The following NTRK2 variants were observed in gnomAD, a reference collection of about 807,000 sequenced individuals.
NTRK2 encodes the protein BDNF/NT-3 growth factors receptor.
In NTRK2, 13 loss-of-function variants were observed where a neutral mutation model predicts 94.5. The observed-to-expected ratio is 0.14, with a 90% CI of 0.09 to 0.22. The LOEUF (loss-of-function observed/expected upper bound fraction) is 0.22. Ranked by LOEUF, NTRK2 falls within the 10% of genes least tolerant of loss-of-function variation. The pLI, the probability that NTRK2 is intolerant of heterozygous loss-of-function variation, is 1.00. For missense variants in NTRK2, 639 were observed against 1,071.2 expected, an observed-to-expected ratio of 0.60 and a Z score of 5.63; for synonymous variants, 372 against 407.4, an observed-to-expected ratio of 0.91 and a Z score of 1.05.
At chr9:84,979,787 C>A (rs925088018) in intron 17 of NTRK2, among the ~76,000 whole-genome samples, 3 of 152,262 alleles carry the variant, frequency 2.0e-5, no homozygotes, top group Admixed American at 2.0e-4. Context: ...CACAGCCACC[C>A]CAACCTTTAA....
At chr9:84,697,530 G>C (rs961945508) in intron 2 of NTRK2, among the ~76,000 whole-genome samples, 1 of 152,200 alleles carries the variant, frequency 6.6e-6, no homozygotes, top group African/African-American at 2.4e-5. Flanking sequence ...ACTTTAACAG[G>C]GGCAGTGGGG....
At chr9:84,944,969 G>A (rs2078547010) in intron 15 of NTRK2, among the ~76,000 whole-genome samples, 1 of 152,226 alleles carries the variant, frequency 6.6e-6, no homozygotes, top group South Asian at 2.1e-4. Flanking sequence ...GGGTCAGAGA[G>A]CTCGAGGGCA....
At chr9:84,845,270 C>CACACACAA (rs2074411140) in intron 12 of NTRK2, among the ~76,000 whole-genome samples, 1 of 151,982 alleles carries the variant, frequency 6.6e-6, no homozygotes, top group Non-Finnish European at 1.5e-5. Context: ...CACACACACA[C>CACACACAA]ACACACACAC....
At chr9:84,698,319 T>G (rs2060513813) in intron 2 of NTRK2, among the ~76,000 whole-genome samples, 1 of 152,128 alleles carries the variant, frequency 6.6e-6, no homozygotes, top group African/African-American at 2.4e-5. Context: ...ACAATTTTGC[T>G]TATCTTCTTT....
intron 14 of NTRK2, among the ~76,000 whole-genome samples, chr9:84,908,933 C>A (rs1460703440): frequency 6.6e-6 from 1 of 152,138 alleles, no homozygotes. Flanking sequence ...CCCATGTGCC[C>A]TTTACCCAGT....
chr9:84,708,013 ACC>A, intron 5 of NTRK2, 101 bp downstream of exon 5: 1 of 912,850 alleles, frequency 1.1e-6, no homozygotes, highest in Non-Finnish European at 1.8e-6. Context: ...CTATTTTTAT[ACC>A]AAATTCTCAA....
At chr9:84,765,400 A>T (rs1277908765) in intron 12 of NTRK2, among the ~76,000 whole-genome samples, 1 of 152,212 alleles carries the variant, frequency 6.6e-6, no homozygotes, top group East Asian at 1.9e-4. Context: ...TGCTTTCAGG[A>T]TTCCCTTTTG....
chr9:84,793,651 A>C (rs1352565522), intron 12 of NTRK2, among the ~76,000 whole-genome samples: 1 of 152,222 alleles, frequency 6.6e-6, no homozygotes. Context: ...TGCAGCATAC[A>C]TGTAGACTTA....
chr9:84,710,868 T>G, intron 6 of NTRK2, 77 bp downstream of exon 6: 1 of 1,418,506 alleles, frequency 7.0e-7, no homozygotes, highest in Non-Finnish European at 9.9e-7. Context: ...TCTGGGAAAA[T>G]TACCACTACC....
intron 12 of NTRK2, among the ~76,000 whole-genome samples, chr9:84,817,157 A>G (rs2072481007): frequency 6.6e-6 from 1 of 152,210 alleles, no homozygotes; most frequent in African/African-American, 2.4e-5. Flanking sequence ...CGGTATTGCT[A>G]ATAACTAATA....
chr9:84,813,485 T>C, intron 12 of NTRK2: 1 of 1,065,238 alleles, frequency 9.4e-7, no homozygotes, highest in Non-Finnish European at 1.1e-6. Context: ...TGTCTTCCCG[T>C]TGCAAATTCA....
chr9:84,692,245 A>G (rs1463004288), intron 2 of NTRK2, among the ~76,000 whole-genome samples: 1 of 152,128 alleles, frequency 6.6e-6, no homozygotes, highest in Non-Finnish European at 1.5e-5. Flanking sequence ...TGTCAGAAAA[A>G]AACCCATCCC....
At chr9:84,946,656 G>A (rs2078607962) in intron 15 of NTRK2, among the ~76,000 whole-genome samples, 1 of 152,184 alleles carries the variant, frequency 6.6e-6, no homozygotes, top group African/African-American at 2.4e-5. Flanking sequence ...TACTAGCCAG[G>A]TATATTGGTT....
intron 2 of NTRK2, among the ~76,000 whole-genome samples, chr9:84,672,806 T>C (rs993315): frequency 0.5 from 76,664 of 152,088 alleles, 20,491 homozygotes; most frequent in East Asian, 0.59. Flanking sequence ...ATGAAATCAA[T>C]TGATTTCAGC....
In NTRK2 at chr9:84,695,066, A is replaced by AC. The variant is rs1321543072; in HGVS notation, c.213-7093_213-7092insC. On this transcript the variant is annotated intron_variant, in intron 2 of 18. Coordinates refer to ENST00000277120, the MANE Select transcript of NTRK2 (RefSeq NM_006180.6). ...TGAGACTCCGTCTCAAAAAAAAAAA[A>AC]AAAAAAAACACACAACAAAAAACTT... Among the ~76,000 whole-genome samples, 3 of 142,170 alleles carry AC rather than the reference A, an allele frequency of 2.1e-5. 1 individual carries two copies. The highest frequency in any genetic ancestry group is 4.6e-5 in the Non-Finnish European group (3 of 65,604). 93.3% of individuals were successfully genotyped at this position (142,170 alleles called of 152,430 possible).
At chr9:84,986,241 C>T (rs1369823044) in intron 17 of NTRK2, among the ~76,000 whole-genome samples, 2 of 152,142 alleles carry the variant, frequency 1.3e-5, no homozygotes, top group Non-Finnish European at 2.9e-5. Context: ...GATAGTAATT[C>T]TCTAGAGCAG....
Position 84,905,280 on chromosome 9 carries a change from G to GA in NTRK2, c.1634-28882_1634-28881insA, listed in dbSNP as rs1417504533. On this transcript the variant is annotated intron_variant, in intron 14 of 18. Coordinates refer to ENST00000277120, the MANE Select transcript of NTRK2 (RefSeq NM_006180.6). The stretch of plus-strand genomic sequence containing the variant: ...TCCATGGTGGGGTTTTAGAGGGTGT[G>GA]TGTGTGTGTGTGTGTGTGTGTGTGT... Among the ~76,000 whole-genome samples, 5 of 121,866 alleles carry GA rather than the reference G, an allele frequency of 4.1e-5. No individual in the cohort carries two copies. In the East Asian group the frequency reaches 1.4e-3, roughly 35 times the overall value. The allele number at this position is 121,866 out of a possible 152,430, so 79.9% of individuals were successfully genotyped here.
chr9:84,880,416 G>T (rs1012484449), intron 14 of NTRK2, among the ~76,000 whole-genome samples: 1 of 152,168 alleles, frequency 6.6e-6, no homozygotes, highest in Admixed American at 6.5e-5. Context: ...GCCTTGATGC[G>T]AATCTTATGA....
rs1430715826 is a variant in NTRK2 at position 85,024,802 on chromosome 9, AG to A, written c.*3367del. ...TGTACACTGAACCAATGTCATAATC[AG>A]GCTTATTTAGAAAACACTTTGAACT... On this transcript the variant is annotated 3_prime_UTR_variant, in exon 19 of 19. Transcript: ENST00000277120. 4.3e-6 allele frequency: 1 copy of A among 232,970 alleles called. No individual in the cohort carries two copies. Among genetic ancestry groups the A allele is most frequent in the African/African-American group, 2.2e-5 (1 of 45,356 alleles). 14.4% of individuals were successfully genotyped at this position (232,970 alleles called of 1,614,324 possible).
Sources: gnomAD v4.1 joint callset for allele counts (sites outside exome capture counted in the v4.1 genomes callset) on GRCh38, gnomAD v4.1.1 for gene constraint, MANE v1.5 for transcripts, NCBI Gene and HGNC (gene_info 2026-07-23, HGNC 2026-07-21) for gene names.